The following DOCK8 variants were observed in gnomAD, a reference collection of about 807,000 sequenced individuals.
The protein encoded by DOCK8 is dedicator of cytokinesis 8, also known as dedicator of cytokinesis protein 8.
In DOCK8, 141 loss-of-function variants were observed where a neutral mutation model predicts 245.6. The observed-to-expected ratio is 0.57, with a 90% CI of 0.50 to 0.66. DOCK8 has a LOEUF of 0.66. Among genes scored for constraint, DOCK8 ranks in the 30% least tolerant of loss-of-function variants. The probability of loss-of-function intolerance (pLI) is 0.00; values close to 1 mark genes in which losing one functional copy is unlikely to be tolerated. For synonymous variants in DOCK8, 1,168 were observed against 970.2 expected (o/e 1.20, Z -3.79); for missense variants, 2,965 against 2,603.4 (o/e 1.14, Z -3.02).
At chr9:406,246 C>T (rs559799557) in intron 27 of DOCK8, among the ~76,000 whole-genome samples, 1 of 152,258 alleles carries the variant, frequency 6.6e-6, no homozygotes, top group East Asian at 1.9e-4. Context: ...GTAATCCCAG[C>T]ATCTTCGGAG....
In DOCK8 at chr9:404,913, C is replaced by A. The variant is rs754678415; in HGVS notation, c.3235-5C>A. The stretch of plus-strand genomic sequence containing the variant: ...TTTCATTCCTCTTTTCATTTTTCTT[C>A]CCAGCTGTCAGCCAAGCTCAGTAAC... On this transcript the variant is annotated splice_polypyrimidine_tract_variant and splice_region_variant and intron_variant, in intron 26 of 47. Coordinates refer to ENST00000432829, the MANE Select transcript of DOCK8 (RefSeq NM_203447.4). The A allele has an allele frequency of 3.1e-5, 50 of 1,613,832 alleles. No homozygotes were observed. The South Asian group carries it at 5.4e-4, about 17-fold the overall frequency.
At chr9:306,832 C>A (rs567054408) in intron 5 of DOCK8, among the ~76,000 whole-genome samples, 5 of 152,224 alleles carry the variant, frequency 3.3e-5, no homozygotes, top group Admixed American at 2.6e-4. Context: ...GTTGTCAGAA[C>A]GTAGAAGCTC....
At chr9:222,972 A>C (rs1165159743) in intron 1 of DOCK8, among the ~76,000 whole-genome samples, 1 of 152,230 alleles carries the variant, frequency 6.6e-6, no homozygotes, top group East Asian at 1.9e-4. Flanking sequence ...AGTCCAGATT[A>C]CATAACTCAT....
chr9:328,194 G>C, intron 9 of DOCK8, 23 bp downstream of exon 9: 7 of 1,605,896 alleles, frequency 4.4e-6, no homozygotes, highest in Non-Finnish European at 6.0e-6. Context: ...GATCTGATTT[G>C]CCCAATCTGA....
intron 2 of DOCK8, among the ~76,000 whole-genome samples, chr9:273,616 A>G (rs1394445331): frequency 6.6e-6 from 1 of 151,864 alleles, no homozygotes; most frequent in African/African-American, 2.4e-5. Context: ...TAGTGTGGAC[A>G]TCACTCCTAA....
intron 29 of DOCK8, among the ~76,000 whole-genome samples, chr9:417,411 A>G (rs1163286311): frequency 6.6e-6 from 1 of 152,262 alleles, no homozygotes; most frequent in Non-Finnish European, 1.5e-5. Flanking sequence ...CAACAGGTCT[A>G]GAAAAACATG....
chr9:353,008 T>C (rs1396559137), intron 14 of DOCK8, among the ~76,000 whole-genome samples: 1 of 152,160 alleles, frequency 6.6e-6, no homozygotes, highest in Non-Finnish European at 1.5e-5. Flanking sequence ...TGCATTCACC[T>C]AACCAGTATT....
intron 1 of DOCK8, among the ~76,000 whole-genome samples, chr9:264,979 T>C (rs1461059242): frequency 6.6e-6 from 1 of 152,228 alleles, no homozygotes; most frequent in African/African-American, 2.4e-5. Context: ...TCCCCCAGGC[T>C]GGAGTGCAAT....
rs2055347247 is a variant in DOCK8, at chr9:405,018, T to C, written c.3335T>C (p.Phe1112Ser). The change falls in exon 27 of 48, where the codon TTT becomes TCT. Residue 1112 changes from phenylalanine to serine, a missense_variant. Phe to Ser is a radical substitution (Grantham distance 155, BLOSUM62 -2). Transcript: ENST00000432829. Reference sequence around the variant, plus strand: ...GAGCATTACCTCAATCTGAACCTTTTTTTTATGAATGCTGATACTGCTCCA... The same window carrying C: ...GAGCATTACCTCAATCTGAACCTTTCTTTTATGAATGCTGATACTGCTCCA... The part of the protein sequence containing the change: ...SHEHYLNLNL[F>S]FMNADTAPTS... The C allele has an allele frequency of 4.3e-6, 7 of 1,613,964 alleles. No homozygotes were observed. The East Asian group carries it at 1.6e-4, about 36-fold the overall frequency.
In DOCK8 at chr9:371,951, T is replaced by G. The variant is rs149017075; in HGVS notation, c.2008-234T>G. On this transcript the variant is annotated intron_variant, in intron 17 of 47. Transcript: ENST00000432829. ...TGTTCAGACACACACAAACATTGGC[T>G]ACAGAGAAAAATGCTACTGCTTTAG... Among the ~76,000 whole-genome samples the G allele has an allele frequency of 1.6e-3, 245 of 152,256 alleles. 3 individuals are homozygous for G. Among genetic ancestry groups the G allele is most frequent in the African/African-American group, 5.8e-3 (239 of 41,544 alleles).
intron 1 of DOCK8, among the ~76,000 whole-genome samples, chr9:234,382 T>A (rs2047197879): frequency 6.6e-6 from 1 of 152,186 alleles, no homozygotes; most frequent in Non-Finnish European, 1.5e-5. Flanking sequence ...GTCTTGGAAT[T>A]GCTTTTCTCA....
At chr9:338,865 T>G in intron 12 of DOCK8, 141 bp from the exon 13 acceptor site, 1 of 717,952 alleles carries the variant, frequency 1.4e-6, no homozygotes. Flanking sequence ...GCTCAGTGAT[T>G]TCAGAGCTGT....
At chr9:459,142 C>T (rs1284315891) in intron 46 of DOCK8, among the ~76,000 whole-genome samples, 2 of 152,110 alleles carry the variant, frequency 1.3e-5, no homozygotes, top group Non-Finnish European at 2.9e-5. Context: ...TGTTTGTGGA[C>T]CTATTGAGAA....
rs1157911538 is a variant in DOCK8, at chr9:376,198, T to G, written c.2110-12T>G. On this transcript the variant is annotated splice_polypyrimidine_tract_variant and intron_variant, in intron 18 of 47. Transcript: ENST00000432829. Reference sequence around the variant, plus strand: ...TTGGATTGCTAATCTTTTTTTTTTCTCTTTAACACAGAAAGTCCCATTACA... The same window carrying G: ...TTGGATTGCTAATCTTTTTTTTTTCGCTTTAACACAGAAAGTCCCATTACA... The G allele has an allele frequency of 1.3e-6, 2 of 1,574,172 alleles. No homozygotes were observed. The highest frequency in any genetic ancestry group is 1.1e-5 in the South Asian group (1 of 90,212).
At chr9:214,691 G>A (rs1464703029), upstream of DOCK8, 3 of 1,571,636 alleles carry the variant, frequency 1.9e-6, no homozygotes, top group African/African-American at 1.4e-5. Context: ...AGAGCGCGCC[G>A]TCTGCCCCAG....
chr9:341,901 A>G (rs541305555), intron 14 of DOCK8, among the ~76,000 whole-genome samples: 3 of 152,294 alleles, frequency 2.0e-5, no homozygotes, highest in South Asian at 2.1e-4. Context: ...CATGAATCCT[A>G]TTGTGAACTG....
At chr9:213,366 T>C (rs1030249497), upstream of DOCK8, 1 of 152,182 alleles carries the variant, frequency 6.6e-6, no homozygotes, top group Non-Finnish European at 1.5e-5. Flanking sequence ...AATTAGGTTG[T>C]ATTGGACTGG....
At chr9:335,602 G>A (rs1000585991) in intron 11 of DOCK8, among the ~76,000 whole-genome samples, 13 of 152,114 alleles carry the variant, frequency 8.5e-5, no homozygotes, top group Admixed American at 5.2e-4. Flanking sequence ...CTTTAATGCC[G>A]TCTATGTAGA....
intron 45 of DOCK8, among the ~76,000 whole-genome samples, chr9:450,518 G>T (rs573305586): frequency 4.6e-4 from 70 of 152,244 alleles, no homozygotes; most frequent in African/African-American, 1.6e-3. Flanking sequence ...ATGAAGGGAG[G>T]TACCAGCCTA....
Sources: allele counts gnomAD v4.1 joint callset (sites outside exome capture counted in the v4.1 genomes callset), GRCh38; gene constraint gnomAD v4.1.1; transcripts MANE v1.5; gene names NCBI Gene and HGNC (gene_info 2026-07-23, HGNC 2026-07-21).